NCOA2: variants seen among roughly 807,000 people sequenced by gnomAD.
NCOA2 encodes class E basic helix-loop-helix protein 75.
In NCOA2, 21 loss-of-function variants were observed where a neutral mutation model predicts 145.1. That is an observed-to-expected ratio of 0.14 (90% confidence interval 0.10 to 0.21). The LOEUF (loss-of-function observed/expected upper bound fraction) is 0.21. Ranked by LOEUF, NCOA2 falls within the 10% of genes least tolerant of loss-of-function variation. The pLI is 1.00. For missense variants in NCOA2, 1,472 were observed against 1,837.6 expected, an observed-to-expected ratio of 0.80 and a Z score of 3.64; for synonymous variants, 619 against 637.5, an observed-to-expected ratio of 0.97 and a Z score of 0.44.
At chr8:70,429,718 G>A in the NCOA2 span, among the ~76,000 whole-genome samples, 5,784 of 152,214 alleles carry the variant, frequency 0.038, 177 homozygotes, top group Non-Finnish European at 0.055. Flanking sequence ...AATCTCAATC[G>A]TCAATTTCAA....
chr8:70,340,261 C>T (rs1203820363), intron 1 of NCOA2, among the ~76,000 whole-genome samples: 1 of 152,074 alleles, frequency 6.6e-6, no homozygotes, highest in African/African-American at 2.4e-5. Flanking sequence ...CCAAACAACT[C>T]CACTAAAAAG....
At position 70,399,052 on chromosome 8, in the gene NCOA2, C is replaced by A. The variant is rs573866503; in HGVS notation, c.-77+4648G>T. On this transcript the variant is annotated intron_variant, in intron 1 of 22. Coordinates refer to ENST00000452400, the MANE Select transcript of NCOA2 (RefSeq NM_006540.4). ...ACTACACCAGCTTCTAAAATACCCA[C>A]AAAAGTCACATTCGTGATCACCTCT... Among the ~76,000 whole-genome samples the A allele has an allele frequency of 7.9e-5, 12 of 152,332 alleles. No individual in the cohort carries two copies. In the South Asian group the frequency reaches 2.3e-3, roughly 29 times the overall value.
upstream of NCOA2, among the ~76,000 whole-genome samples, chr8:70,405,752 T>A (rs1202847046): frequency 6.6e-6 from 1 of 152,132 alleles, no homozygotes; most frequent in Non-Finnish European, 1.5e-5. Context: ...GTCCAGAGTC[T>A]ATCAGTCCTC....
chr8:70,142,781 T>C (rs570168946), intron 13 of NCOA2, among the ~76,000 whole-genome samples: 111 of 152,282 alleles, frequency 7.3e-4, no homozygotes, highest in African/African-American at 1.8e-3. Flanking sequence ...ATTTGAACTA[T>C]AGAAAAATAT....
At chr8:70,440,953 A>G in the NCOA2 span, among the ~76,000 whole-genome samples, 5 of 150,738 alleles carry the variant, frequency 3.3e-5, no homozygotes, top group African/African-American at 9.7e-5. Flanking sequence ...GGAAGAAGAA[A>G]GAAAGAAAAG....
intron 5 of NCOA2, among the ~76,000 whole-genome samples, chr8:70,174,385 T>G (rs1814598639): frequency 6.6e-6 from 1 of 152,200 alleles, no homozygotes; most frequent in Admixed American, 6.5e-5. Context: ...TTAACCTGTA[T>G]GTATAGGCAT....
At chr8:70,232,486 A>G (rs1192572249) in intron 2 of NCOA2, among the ~76,000 whole-genome samples, 2 of 152,142 alleles carry the variant, frequency 1.3e-5, no homozygotes, top group African/African-American at 4.8e-5. Flanking sequence ...TTGCCACTTC[A>G]GTAAATACCC....
At chr8:70,120,660 G>A (rs745901573) in intron 22 of NCOA2, among the ~76,000 whole-genome samples, 4 of 152,152 alleles carry the variant, frequency 2.6e-5, no homozygotes, top group Non-Finnish European at 5.9e-5. Context: ...GGTGGAGGTT[G>A]CAGTGAGCCA....
chr8:70,144,030 T>A (rs1391523309), intron 13 of NCOA2, among the ~76,000 whole-genome samples: 1 of 152,222 alleles, frequency 6.6e-6, no homozygotes. Flanking sequence ...AGACAGTGAC[T>A]ACTACCTAGG....
chr8:70,236,480 C>A (rs1249617596), intron 2 of NCOA2, among the ~76,000 whole-genome samples: 1 of 152,034 alleles, frequency 6.6e-6, no homozygotes, highest in African/African-American at 2.4e-5. Context: ...TTTTGCTTGT[C>A]ATATATGCAA....
At chr8:70,360,273 A>G (rs890742189) in intron 1 of NCOA2, among the ~76,000 whole-genome samples, 3 of 152,236 alleles carry the variant, frequency 2.0e-5, no homozygotes, top group African/African-American at 7.2e-5. Flanking sequence ...TTTAGTTTTC[A>G]GACAAGCTAG....
intron 1 of NCOA2, among the ~76,000 whole-genome samples, 163 bp downstream of exon 1, chr8:70,403,537 C>T (rs1430406298): frequency 6.6e-6 from 1 of 151,272 alleles, no homozygotes; most frequent in Non-Finnish European, 1.5e-5. Context: ...TCCGCGCACT[C>T]CGGCGGCGGT....
intron 13 of NCOA2, among the ~76,000 whole-genome samples, chr8:70,141,657 A>G (rs1296356636): frequency 1.3e-5 from 2 of 152,202 alleles, no homozygotes; most frequent in African/African-American, 4.8e-5. Context: ...TTGTACTTAG[A>G]AACAGGTGCC....
chr8:70,255,809 T>C (rs1280112979), intron 2 of NCOA2, among the ~76,000 whole-genome samples: 1 of 151,894 alleles, frequency 6.6e-6, no homozygotes, highest in Admixed American at 6.6e-5. Context: ...AAGGTGAGAG[T>C]CGGGGGCAGA....
At chr8:70,236,553 A>AG (rs1821624961) in intron 2 of NCOA2, among the ~76,000 whole-genome samples, 2 of 151,546 alleles carry the variant, frequency 1.3e-5, no homozygotes, top group East Asian at 3.9e-4. Flanking sequence ...GCTCACATTG[A>AG]CTCTTCCTCC....
chr8:70,145,793 C>T (rs1232538546), intron 12 of NCOA2, among the ~76,000 whole-genome samples: 1 of 152,060 alleles, frequency 6.6e-6, no homozygotes, highest in Non-Finnish European at 1.5e-5. Flanking sequence ...CCAGGTCTGG[C>T]TAATTTTAAA....
intron 1 of NCOA2, among the ~76,000 whole-genome samples, chr8:70,348,431 G>A (rs1345276207): frequency 6.6e-6 from 1 of 152,196 alleles, no homozygotes; most frequent in African/African-American, 2.4e-5. Flanking sequence ...TGAGAACTAC[G>A]TAATTTGGGG....
intron 1 of NCOA2, among the ~76,000 whole-genome samples, chr8:70,362,278 T>C (rs535680680): frequency 7.9e-5 from 12 of 152,252 alleles, no homozygotes; most frequent in East Asian, 7.7e-4. Context: ...TTAATGCACA[T>C]AGACATATTT....
intron 2 of NCOA2, among the ~76,000 whole-genome samples, chr8:70,284,901 T>C (rs915418555): frequency 6.6e-6 from 1 of 151,932 alleles, no homozygotes; most frequent in Non-Finnish European, 1.5e-5. Context: ...AAAAACCACA[T>C]ACTAGAAAAA....
Sources: allele counts gnomAD v4.1 joint callset (sites outside exome capture counted in the v4.1 genomes callset), GRCh38; gene constraint gnomAD v4.1.1; transcripts MANE v1.5; gene names NCBI Gene and HGNC (gene_info 2026-07-23, HGNC 2026-07-21).